Variants in LRCH1 observed in about 807,000 individuals in gnomAD.
LRCH1 encodes the protein leucine rich repeats and calponin homology domain containing 1.
A neutral mutation model predicts 94.9 loss-of-function variants in LRCH1; 23 were observed. That is an observed-to-expected ratio of 0.24 (90% CI 0.17 to 0.34). The LOEUF is 0.34. LRCH1 is among the 10% of genes least tolerant of loss of function. The probability of loss-of-function intolerance (pLI) is 1.00; values close to 1 mark genes in which losing one functional copy is unlikely to be tolerated. For missense variants in LRCH1, 790 were observed against 945.9 expected (o/e 0.84, Z 2.16); for synonymous variants, 364 against 354.9 (o/e 1.03, Z -0.29).
chr13:46,558,471 C>G (rs1333880449), intron 1 of LRCH1, among the ~76,000 whole-genome samples: 1 of 149,796 alleles, frequency 6.7e-6, no homozygotes, highest in African/African-American at 2.5e-5. Flanking sequence ...TGTGGTGACT[C>G]ACACCTGTAA....
intron 17 of LRCH1, 88 bp downstream of exon 17, chr13:46,723,418 C>T: frequency 2.0e-6 from 2 of 1,011,134 alleles, no homozygotes; most frequent in Non-Finnish European, 3.0e-6. Context: ...TGCAAGCAGT[C>T]CTAATTTCAA....
At chr13:46,596,342 A>G (rs561626194) in intron 1 of LRCH1, among the ~76,000 whole-genome samples, 1 of 152,198 alleles carries the variant, frequency 6.6e-6, no homozygotes, top group Non-Finnish European at 1.5e-5. Context: ...GTTTTGGTAC[A>G]GTCTGATCAT....
intron 1 of LRCH1, among the ~76,000 whole-genome samples, chr13:46,633,680 G>T (rs1359576542): frequency 6.6e-6 from 1 of 152,074 alleles, no homozygotes; most frequent in East Asian, 1.9e-4. Flanking sequence ...GACATCACGT[G>T]TGGTAACTAT....
At chr13:46,663,265 A>G (rs2051472242) in intron 2 of LRCH1, among the ~76,000 whole-genome samples, 1 of 152,208 alleles carries the variant, frequency 6.6e-6, no homozygotes, top group African/African-American at 2.4e-5. Context: ...GATAGTCTCT[A>G]TTTGATTTTA....
chr13:46,629,912 C>G (rs977097973), intron 1 of LRCH1, among the ~76,000 whole-genome samples: 1 of 152,136 alleles, frequency 6.6e-6, no homozygotes, highest in African/African-American at 2.4e-5. Context: ...GGGTCTCCCC[C>G]AGGGGTGGTA....
chr13:46,629,103 C>T (rs1226576490), intron 1 of LRCH1, among the ~76,000 whole-genome samples: 1 of 152,166 alleles, frequency 6.6e-6, no homozygotes, highest in Non-Finnish European at 1.5e-5. Flanking sequence ...ACTTTAATGC[C>T]ATCTTCCTAG....
chr13:46,673,337 T>G (rs1001222970), intron 3 of LRCH1, among the ~76,000 whole-genome samples: 2 of 152,184 alleles, frequency 1.3e-5, no homozygotes, highest in Non-Finnish European at 2.9e-5. Context: ...TGGCAAAAAT[T>G]TAATAAGTGG....
intron 1 of LRCH1, among the ~76,000 whole-genome samples, chr13:46,637,291 C>T (rs1645612653): frequency 6.6e-6 from 1 of 152,220 alleles, no homozygotes; most frequent in South Asian, 2.1e-4. Flanking sequence ...TTGTCACCTC[C>T]TCCCTGGCCT....
intron 13 of LRCH1, among the ~76,000 whole-genome samples, chr13:46,710,814 T>C (rs1160180649): frequency 2.6e-5 from 4 of 152,164 alleles, no homozygotes; most frequent in Non-Finnish European, 5.9e-5. Flanking sequence ...CCCAATTTTT[T>C]ATTAGGGAGG....
chr13:46,610,903 T>C (rs2050741085), intron 1 of LRCH1, among the ~76,000 whole-genome samples: 1 of 152,180 alleles, frequency 6.6e-6, no homozygotes, highest in South Asian at 2.1e-4. Context: ...TGACTGGAAA[T>C]GGCTTAGGAA....
rs140326807 is a variant in LRCH1 at position 46,635,507 on chromosome 13, G to A, written c.308-14694G>A. On this transcript the variant is annotated intron_variant, in intron 1 of 19. Coordinates refer to ENST00000389797, the MANE Select transcript of LRCH1 (RefSeq NM_001164211.2). ...TTTTTTTGAGACGGAGTCTCGCTCT[G>A]GTGCCCAGGCCAGAGTGCAGTGGCA... 6.6e-3 allele frequency among the ~76,000 whole-genome samples: 757 copies of A among 114,728 alleles called. 9 individuals are homozygous for A. Among genetic ancestry groups the A allele is most frequent in the African/African-American group, 0.024 (708 of 29,054 alleles). The allele number at this position is 114,728 out of a possible 152,430, so 75.3% of individuals were successfully genotyped here.
intron 1 of LRCH1, among the ~76,000 whole-genome samples, chr13:46,593,003 C>A (rs2050517516): frequency 6.6e-6 from 1 of 151,886 alleles, no homozygotes; most frequent in Non-Finnish European, 1.5e-5. Flanking sequence ...ATCCCCATGT[C>A]CCTTCAGGAC....
intron 19 of LRCH1, among the ~76,000 whole-genome samples, chr13:46,736,312 A>G (rs1224347700): frequency 1.3e-5 from 2 of 152,190 alleles, no homozygotes; most frequent in South Asian, 2.1e-4. Context: ...AGAAATTCCT[A>G]TTGCAAGGCA....
At chr13:46,640,109 TTAAG>T (rs1337488017) in intron 1 of LRCH1, among the ~76,000 whole-genome samples, 1 of 152,254 alleles carries the variant, frequency 6.6e-6, no homozygotes, top group Non-Finnish European at 1.5e-5. Context: ...GAGAAAACTG[TTAAG>T]TAAGTTGACT....
At chr13:46,707,326 A>C (rs1273272121) in intron 13 of LRCH1, among the ~76,000 whole-genome samples, 4 of 152,156 alleles carry the variant, frequency 2.6e-5, no homozygotes, top group Non-Finnish European at 2.9e-5. Flanking sequence ...GAACTTCTGC[A>C]TTCTGATTTC....
At chr13:46,711,452 C>T (rs970749279) in intron 13 of LRCH1, among the ~76,000 whole-genome samples, 8 of 152,156 alleles carry the variant, frequency 5.3e-5, no homozygotes, top group African/African-American at 1.9e-4. Context: ...TTCTAAAAAT[C>T]ATAATTAAAA....
intron 1 of LRCH1, among the ~76,000 whole-genome samples, chr13:46,644,746 G>A (rs73190998): frequency 0.016 from 2,407 of 152,310 alleles, 34 homozygotes; most frequent in Middle Eastern, 0.037. Flanking sequence ...TTGTCCCCCA[G>A]TGTAGGCCTG....
At chr13:46,588,461 C>T (rs929508488) in intron 1 of LRCH1, among the ~76,000 whole-genome samples, 1 of 152,092 alleles carries the variant, frequency 6.6e-6, no homozygotes, top group African/African-American at 2.4e-5. Context: ...AATTTCATCC[C>T]TTCCTCCAGC....
At chr13:46,705,513 T>TGA (rs775464551) in intron 13 of LRCH1, 2 of 692,844 alleles carry the variant, frequency 2.9e-6, no homozygotes, top group Admixed American at 4.1e-5. Flanking sequence ...CTGTTGAAGA[T>TGA]GAGAGTTGGC....
Sources: gnomAD v4.1 joint callset for allele counts (sites outside exome capture counted in the v4.1 genomes callset) on GRCh38, gnomAD v4.1.1 for gene constraint, MANE v1.5 for transcripts, NCBI Gene and HGNC (gene_info 2026-07-23, HGNC 2026-07-21) for gene names.